DNAH5: variants seen among roughly 807,000 people sequenced by gnomAD.
DNAH5 encodes the protein dynein axonemal heavy chain 5, also known as axonemal beta dynein heavy chain 5.
Under a neutral mutation model 518.2 loss-of-function variants are expected in DNAH5, and 372 were observed. That is an observed-to-expected ratio of 0.72 (90% CI 0.66 to 0.78). The LOEUF is 0.78. DNAH5 is among the 30% of genes least tolerant of loss of function. DNAH5 has a pLI of 0.00. For missense variants in DNAH5, 5,523 were observed against 5,687.0 expected (o/e 0.97, Z 0.93); for synonymous variants, 2,039 against 2,025.9 (o/e 1.01, Z -0.17).
At chr5:13,836,452 A>G (rs1764412372) in intron 35 of DNAH5, among the ~76,000 whole-genome samples, 1 of 152,126 alleles carries the variant, frequency 6.6e-6, no homozygotes, top group Non-Finnish European at 1.5e-5. Context: ...ACAAAGGGAC[A>G]TCCAGACCAC....
rs536052568 is a variant in DNAH5 at position 13,694,512 on chromosome 5, G to GCTAA, written c.13724-2378_13724-2377insTTAG. On this transcript the variant is annotated intron_variant, in intron 78 of 78. Transcript: ENST00000265104. ...CACCTAAGTATGTTTAAAGCCTTAG[G>GCTAA]GTTCCAGAAGGAGGAGGAGAGAGAA... Among the ~76,000 whole-genome samples, 20 of 152,308 alleles carry GCTAA rather than the reference G, an allele frequency of 1.3e-4. 1 individual carries two copies. In the South Asian group the frequency reaches 4.1e-3, roughly 32 times the overall value.
At chr5:13,704,120 A>G (rs1390782921) in intron 76 of DNAH5, among the ~76,000 whole-genome samples, 1 of 152,230 alleles carries the variant, frequency 6.6e-6, no homozygotes, top group African/African-American at 2.4e-5. Flanking sequence ...GGGTGCAGCT[A>G]TAACAGCAGC....
At chr5:14,000,967 A>G (rs1490346272) in intron 1 of DNAH5, among the ~76,000 whole-genome samples, 1 of 152,218 alleles carries the variant, frequency 6.6e-6, no homozygotes, top group Non-Finnish European at 1.5e-5. Context: ...ATAGCCATTA[A>G]AAAGAATGAA....
intron 1 of DNAH5, among the ~76,000 whole-genome samples, chr5:13,937,757 A>G (rs1167195416): frequency 6.6e-6 from 1 of 152,082 alleles, no homozygotes; most frequent in Non-Finnish European, 1.5e-5. Context: ...AAGAGATCTG[A>G]CTTAAGGAAG....
chr5:13,768,990 T>C lies in DNAH5; in HGVS notation c.9867A>G (p.Pro3289=). ...IAEEKLEAAK[P]ALEEAEAALQ... The stretch of plus-strand genomic sequence containing the variant: ...ATGCAGCTTCTGCCTCTTCTAAAGC[T>C]GGTTTTGCTGCTTCCAGTTTTTCTT... The change falls in exon 58 of 79, where the codon CCA becomes CCG. Residue 3289 remains proline, a synonymous_variant. Coordinates refer to ENST00000265104, the MANE Select transcript of DNAH5 (RefSeq NM_001369.3). The C allele has an allele frequency of 6.2e-7, 1 of 1,614,206 alleles. No homozygotes were observed. Among genetic ancestry groups the C allele is most frequent in the Admixed American group, 1.7e-5 (1 of 60,030 alleles).
intron 55 of DNAH5, among the ~76,000 whole-genome samples, chr5:13,772,842 C>A (rs914226176): frequency 6.6e-6 from 1 of 152,164 alleles, no homozygotes; most frequent in African/African-American, 2.4e-5. Context: ...TGATATATTT[C>A]TTTCTAGATG....
intron 1 of DNAH5, among the ~76,000 whole-genome samples, chr5:13,993,222 G>A (rs1222608007): frequency 2.6e-5 from 4 of 152,192 alleles, no homozygotes; most frequent in Admixed American, 2.6e-4. Context: ...AAGTCATTAT[G>A]AAGTTAATGA....
At chr5:13,827,406 G>A (rs1763019328) in intron 38 of DNAH5, among the ~76,000 whole-genome samples, 2 of 150,688 alleles carry the variant, frequency 1.3e-5, no homozygotes, top group African/African-American at 2.5e-5. Flanking sequence ...ATGGTTTCCT[G>A]GGCCAGGTCC....
chr5:13,773,745 G>A (rs1753678230), intron 55 of DNAH5, among the ~76,000 whole-genome samples: 2 of 152,116 alleles, frequency 1.3e-5, no homozygotes, highest in Admixed American at 1.3e-4. Flanking sequence ...AGAAGAAAAA[G>A]CACAGAGTGC....
At chr5:13,931,043 A>G in intron 2 of DNAH5, 67 bp downstream of exon 2, 1 of 1,611,152 alleles carries the variant, frequency 6.2e-7, no homozygotes, top group South Asian at 1.1e-5. Flanking sequence ...ATCCTGCCAC[A>G]GGACTGTGTC....
At position 13,809,051 on chromosome 5, in the gene DNAH5, T is replaced by C. The variant is rs1760150245; in HGVS notation, c.7745A>G (p.Gln2582Arg). 1 of 1,614,180 alleles carries C rather than the reference T, an allele frequency of 6.2e-7. No homozygotes were observed. ...AAAAATTAAAAGTCATACCTTGCCC[T>C]GTTTAGCAATGGTTTGAATTAGAAA... ...TDFLIQTIAKQGKAVLLIGEQ... is the reference protein window; with the variant it reads ...TDFLIQTIAKRGKAVLLIGEQ... The change falls in exon 46 of 79, where the codon CAG becomes CGG. Residue 2582 changes from glutamine (Q) to arginine (R), a missense_variant. Transcript: ENST00000265104.
At chr5:13,927,572 T>C (rs1778017911) in intron 3 of DNAH5, among the ~76,000 whole-genome samples, 1 of 152,152 alleles carries the variant, frequency 6.6e-6, no homozygotes, top group Non-Finnish European at 1.5e-5. Flanking sequence ...TAAATGAGAA[T>C]GATGAAACCT....
In DNAH5 at chr5:13,820,486, C is replaced by T; in HGVS notation, c.6701G>A (p.Gly2234Asp). The T allele has an allele frequency of 6.2e-7, 1 of 1,613,986 alleles. No homozygotes were observed. The highest frequency in any genetic ancestry group is 8.5e-7 in the Non-Finnish European group (1 of 1,180,012). ...AAISRQVEEA[G>D]LINHPPWKLK... ...TTTCCAAGGAGGATGGTTGATTAAA[C>T]CAGCTTCTTCAACCTGAAAACATAA... The change falls in exon 41 of 79, where the codon GGT becomes GAT. Residue 2234 changes from glycine to aspartate, a missense_variant. Physicochemically the swap from Gly to Asp is moderately conservative, Grantham distance 94. Transcript: ENST00000265104.
intron 50 of DNAH5, among the ~76,000 whole-genome samples, chr5:13,790,395 T>C (rs565213030): frequency 6.6e-6 from 1 of 152,280 alleles, no homozygotes; most frequent in Non-Finnish European, 1.5e-5. Context: ...ATGTCTTTCA[T>C]GGGAACATGG....
intron 1 of DNAH5, among the ~76,000 whole-genome samples, chr5:13,972,745 G>A (rs1781966134): frequency 6.6e-6 from 1 of 152,192 alleles, no homozygotes; most frequent in African/African-American, 2.4e-5. Flanking sequence ...GATTCTCTCA[G>A]CTTTCCTGGG....
In DNAH5 at chr5:13,928,111, A is replaced by G; in HGVS notation, c.260T>C (p.Val87Ala). 1 of 1,613,706 alleles carries G rather than the reference A, an allele frequency of 6.2e-7. No individual in the cohort carries two copies. Among genetic ancestry groups the G allele is most frequent in the Non-Finnish European group, 8.5e-7 (1 of 1,179,634 alleles). Residue 87 changes from valine to alanine, a missense_variant, in exon 3 of 79, where the codon GTG becomes GCG. By Grantham distance (64) the Val-to-Ala change is moderately conservative. Coordinates refer to ENST00000265104, the MANE Select transcript of DNAH5 (RefSeq NM_001369.3). ...TCAGATACCTGTTTCTGCTTCCTCC[A>G]CATCTTGATAGTAAAACATGAGGTG... Reference protein sequence around the residue: ...LRHLMFYYQDVEEAETGQLGS... With the variant: ...LRHLMFYYQDAEEAETGQLGS...
At chr5:13,943,011 T>A (rs372029334) in intron 1 of DNAH5, among the ~76,000 whole-genome samples, 1 of 152,242 alleles carries the variant, frequency 6.6e-6, no homozygotes, top group Non-Finnish European at 1.5e-5. Flanking sequence ...GTTAATATTA[T>A]ACTTCAGTGG....
chr5:13,931,029 T>C, intron 2 of DNAH5, 81 bp downstream of exon 2: 1 of 1,605,884 alleles, frequency 6.2e-7, no homozygotes, highest in South Asian at 1.1e-5. Flanking sequence ...GGGCACAGCA[T>C]GGGATCCTGC....
In DNAH5 at chr5:13,882,811, T is replaced by C; in HGVS notation, c.3179A>G (p.Lys1060Arg). 1 of 1,613,924 alleles carries C rather than the reference T, an allele frequency of 6.2e-7. No homozygotes were observed. Among genetic ancestry groups the C allele is most frequent in the Non-Finnish European group, 8.5e-7 (1 of 1,179,780 alleles). Residue 1060 changes from lysine to arginine, a missense_variant, in exon 21 of 79, where the codon AAG (lysine) becomes AGG (arginine). This residue lies in a region of DNAH5 where 5,121 missense variants were observed against 5,223.3 expected (regional missense o/e 0.98). Transcript: ENST00000265104. ...QWSSELLSKKKIQERKMAALQ... is the reference protein window; with the variant it reads ...QWSSELLSKKRIQERKMAALQ... ...AGCAGCCATTTTTCTTTCTTGTATC[T>C]TTTTCTACAATGTAAAAGGATATTT...
Sources: gnomAD v4.1 joint callset for allele counts (sites outside exome capture counted in the v4.1 genomes callset) on GRCh38, gnomAD v4.1.1 for gene constraint, gnomAD v4.1.1 regional missense constraint, MANE v1.5 for transcripts, NCBI Gene and HGNC (gene_info 2026-07-23, HGNC 2026-07-21) for gene names.